The following FGF12 variants were observed in gnomAD, a reference collection of about 807,000 sequenced individuals.
FGF12 encodes the protein fibroblast growth factor 12B.
A neutral mutation model predicts 23.6 loss-of-function variants in FGF12; 14 were observed. That is an observed-to-expected ratio of 0.59 (90% confidence interval 0.39 to 0.93). The LOEUF is 0.93. Ranked by LOEUF, FGF12 falls within the 40% of genes least tolerant of loss-of-function variation. FGF12 has a pLI of 0.00. For synonymous variants in FGF12, 62 were observed against 77.3 expected, an observed-to-expected ratio of 0.80 and a Z score of 1.04; for missense variants, 175 against 217.8, an observed-to-expected ratio of 0.80 and a Z score of 1.24.
chr3:192,148,479 A>G (rs1713850704), intron 5 of FGF12, among the ~76,000 whole-genome samples: 1 of 152,196 alleles, frequency 6.6e-6, no homozygotes, highest in Non-Finnish European at 1.5e-5. Context: ...TTTAATGAGT[A>G]CAGAGTTTCA....
At chr3:192,414,508 C>T (rs751184174) in intron 2 of FGF12, among the ~76,000 whole-genome samples, 10 of 152,152 alleles carry the variant, frequency 6.6e-5, no homozygotes, top group Non-Finnish European at 1.3e-4. Flanking sequence ...ATGTGCAGAT[C>T]ACATACATTT....
chr3:192,614,196 T>C (rs905190803), intron 2 of FGF12, among the ~76,000 whole-genome samples: 1 of 151,976 alleles, frequency 6.6e-6, no homozygotes, highest in East Asian at 1.9e-4. Flanking sequence ...TTTCCTTTAA[T>C]TGCATTTACA....
chr3:192,579,502 G>C (rs1713045491), intron 2 of FGF12, among the ~76,000 whole-genome samples: 1 of 152,194 alleles, frequency 6.6e-6, no homozygotes. Context: ...TGGAGGGTAG[G>C]TAAGCTCAGG....
intron 2 of FGF12, among the ~76,000 whole-genome samples, chr3:192,525,152 A>T (rs1446422910): frequency 6.6e-6 from 1 of 152,098 alleles, no homozygotes. Context: ...GTTACTAGGC[A>T]TCTTCTTACA....
chr3:192,465,645 G>T (rs1196084024), intron 2 of FGF12, among the ~76,000 whole-genome samples: 5 of 152,168 alleles, frequency 3.3e-5, no homozygotes, highest in African/African-American at 9.7e-5. Context: ...ATGCTGAATA[G>T]CTACTTTTCT....
chr3:192,592,965 T>A (rs1577069539), intron 2 of FGF12, among the ~76,000 whole-genome samples: 2 of 151,894 alleles, frequency 1.3e-5, no homozygotes, highest in African/African-American at 4.8e-5. Flanking sequence ...TGAGCCACCA[T>A]CATCCTCCAC....
intron 4 of FGF12, among the ~76,000 whole-genome samples, chr3:192,208,142 C>T (rs559853390): frequency 6.6e-6 from 1 of 152,194 alleles, no homozygotes; most frequent in Admixed American, 6.5e-5. Context: ...TTCAAGTGTT[C>T]TTATTAAAAA....
At chr3:192,419,532 C>A (rs1469770347) in intron 2 of FGF12, among the ~76,000 whole-genome samples, 1 of 152,082 alleles carries the variant, frequency 6.6e-6, no homozygotes, top group East Asian at 1.9e-4. Flanking sequence ...CAGAGACTTT[C>A]CACTCAAGAT....
intron 2 of FGF12, among the ~76,000 whole-genome samples, chr3:192,513,616 CAG>C (rs1473640484): frequency 9.2e-5 from 14 of 152,248 alleles, no homozygotes; most frequent in African/African-American, 3.4e-4. Context: ...CCAAATGAAT[CAG>C]ACTCTCCAAA....
chr3:192,274,976 C>T (rs575683410), intron 4 of FGF12, among the ~76,000 whole-genome samples: 2 of 152,194 alleles, frequency 1.3e-5, no homozygotes, highest in South Asian at 4.1e-4. Context: ...TACATCCTAA[C>T]AAAGTGAAAA....
At chr3:192,400,399 C>T (rs1178102705) in intron 2 of FGF12, among the ~76,000 whole-genome samples, 3 of 137,522 alleles carry the variant, frequency 2.2e-5, no homozygotes, top group Admixed American at 1.6e-4. Context: ...GACTGAGTCT[C>T]GCCATGTGGC....
intron 4 of FGF12, among the ~76,000 whole-genome samples, chr3:192,325,482 G>A (rs982504706): frequency 6.6e-6 from 1 of 152,190 alleles, no homozygotes; most frequent in East Asian, 1.9e-4. Flanking sequence ...AATAGTTAAG[G>A]TTCTTGTTTC....
chr3:192,145,374 G>A (rs1300829086), intron 5 of FGF12, among the ~76,000 whole-genome samples: 1 of 152,192 alleles, frequency 6.6e-6, no homozygotes, highest in Non-Finnish European at 1.5e-5. Flanking sequence ...TAGAATACAA[G>A]TGAGAGTCTC....
chr3:192,232,417 T>C (rs923779301), intron 4 of FGF12, among the ~76,000 whole-genome samples: 8 of 152,208 alleles, frequency 5.3e-5, no homozygotes, highest in African/African-American at 1.7e-4. Flanking sequence ...CATTGATGTA[T>C]ATGCACAATA....
At chr3:192,185,317 T>G (rs1716397030) in intron 4 of FGF12, among the ~76,000 whole-genome samples, 1 of 152,228 alleles carries the variant, frequency 6.6e-6, no homozygotes, top group African/African-American at 2.4e-5. Flanking sequence ...GCACAGTAGC[T>G]GGCATCTGAC....
intron 2 of FGF12, among the ~76,000 whole-genome samples, chr3:192,362,225 G>A (rs1216466034): frequency 3.3e-5 from 5 of 151,934 alleles, no homozygotes; most frequent in Admixed American, 3.3e-4. Context: ...TAACGTCACT[G>A]CAAACAACTC....
intron 2 of FGF12, among the ~76,000 whole-genome samples, chr3:192,679,235 G>A (rs1272694507): frequency 6.6e-6 from 1 of 152,096 alleles, no homozygotes; most frequent in Non-Finnish European, 1.5e-5. Context: ...ACAAAGTGAG[G>A]CACAGGAAGA....
At chr3:192,268,281 T>C (rs1420382877) in intron 4 of FGF12, among the ~76,000 whole-genome samples, 1 of 152,152 alleles carries the variant, frequency 6.6e-6, no homozygotes, top group Non-Finnish European at 1.5e-5. Context: ...CCTTCAAGCA[T>C]CTACTCCATC....
intron 4 of FGF12, among the ~76,000 whole-genome samples, chr3:192,234,794 A>G (rs1719199715): frequency 6.6e-6 from 1 of 152,148 alleles, no homozygotes; most frequent in African/African-American, 2.4e-5. Flanking sequence ...GTCTATTGAG[A>G]TGATCATGTA....
Sources: allele counts gnomAD v4.1 joint callset (sites outside exome capture counted in the v4.1 genomes callset), GRCh38; gene constraint gnomAD v4.1.1; transcripts MANE v1.5; gene names NCBI Gene and HGNC (gene_info 2026-07-23, HGNC 2026-07-21).